Variants in KCNB2 observed in about 807,000 individuals in gnomAD.
KCNB2 encodes the protein delayed rectifier potassium channel protein.
Under a neutral mutation model 61.5 loss-of-function variants are expected in KCNB2, and 15 were observed. That is an observed-to-expected ratio of 0.24 (90% CI 0.16 to 0.38). The LOEUF is 0.38. KCNB2 is among the 10% of genes least tolerant of loss of function. The pLI, the probability that KCNB2 is intolerant of heterozygous loss-of-function variation, is 1.00. For missense variants in KCNB2, 828 were observed against 1,125.2 expected (o/e 0.74, Z 3.78); for synonymous variants, 457 against 446.0 (o/e 1.02, Z -0.31).
chr8:72,737,029 C>CCA (rs1269768273), intron 2 of KCNB2, among the ~76,000 whole-genome samples: 1 of 149,546 alleles, frequency 6.7e-6, no homozygotes, highest in African/African-American at 2.5e-5. Context: ...AATGTAGTTG[C>CCA]TATTTTTTTT....
chr8:72,855,950 A>C (rs1348945138), intron 2 of KCNB2, among the ~76,000 whole-genome samples: 2 of 152,196 alleles, frequency 1.3e-5, no homozygotes. Flanking sequence ...TATAATACCT[A>C]ATACAATGTA....
chr8:72,689,643 A>G (rs1806909743), intron 2 of KCNB2, among the ~76,000 whole-genome samples: 2 of 152,168 alleles, frequency 1.3e-5, no homozygotes, highest in Admixed American at 1.3e-4. Flanking sequence ...CATAAATGGA[A>G]TGGTACTGTA....
intron 2 of KCNB2, among the ~76,000 whole-genome samples, chr8:72,800,344 G>C (rs1386377549): frequency 1.3e-5 from 2 of 152,168 alleles, no homozygotes; most frequent in African/African-American, 2.4e-5. Flanking sequence ...CTGCAGCTCT[G>C]TATTTCAACT....
At chr8:72,872,467 G>A (rs1366373351) in intron 2 of KCNB2, among the ~76,000 whole-genome samples, 1 of 152,188 alleles carries the variant, frequency 6.6e-6, no homozygotes, top group Non-Finnish European at 1.5e-5. Flanking sequence ...TGCATTGCAA[G>A]AGTCCCTGGA....
intron 2 of KCNB2, among the ~76,000 whole-genome samples, chr8:72,844,309 T>G (rs1323729256): frequency 6.6e-6 from 1 of 152,254 alleles, no homozygotes; most frequent in Non-Finnish European, 1.5e-5. Flanking sequence ...AGAGATCCGC[T>G]GTTAGTCTGA....
chr8:72,881,785 C>G (rs6993466), intron 2 of KCNB2: 11,187 of 151,570 alleles, frequency 0.074, 1,365 homozygotes, highest in African/African-American at 0.25. Flanking sequence ...CCAGACAATG[C>G]AGAGGGCGTG....
chr8:72,623,496 A>C (rs1805741781), intron 2 of KCNB2, among the ~76,000 whole-genome samples: 2 of 152,238 alleles, frequency 1.3e-5, no homozygotes, highest in Non-Finnish European at 2.9e-5. Context: ...TTCTGATAGA[A>C]GACTTTGGAA....
chr8:72,589,247 G>A (rs1038481410), intron 2 of KCNB2, among the ~76,000 whole-genome samples: 2 of 151,952 alleles, frequency 1.3e-5, no homozygotes, highest in African/African-American at 4.8e-5. Context: ...GCAAATAAAT[G>A]CATTAATTTA....
intron 2 of KCNB2, among the ~76,000 whole-genome samples, chr8:72,684,971 T>C (rs1203470335): frequency 6.6e-6 from 1 of 152,222 alleles, no homozygotes; most frequent in African/African-American, 2.4e-5. Flanking sequence ...AGATAATTTA[T>C]GTCAAAACAA....
At chr8:72,851,415 T>G (rs542230863) in intron 2 of KCNB2, among the ~76,000 whole-genome samples, 13 of 152,338 alleles carry the variant, frequency 8.5e-5, no homozygotes, top group African/African-American at 2.9e-4. Flanking sequence ...TCATTTTGCA[T>G]TATTCTATAA....
chr8:72,727,817 G>T (rs537879352), intron 2 of KCNB2, among the ~76,000 whole-genome samples: 24 of 152,264 alleles, frequency 1.6e-4, no homozygotes, highest in Admixed American at 3.9e-4. Context: ...ATATAAGAAG[G>T]AAATAGACTT....
At chr8:72,725,700 C>A (rs1232293317) in intron 2 of KCNB2, among the ~76,000 whole-genome samples, 3 of 150,232 alleles carry the variant, frequency 2.0e-5, no homozygotes, top group South Asian at 2.1e-4. Flanking sequence ...GCTTGCCGGA[C>A]CTCCTTTCCA....
At chr8:72,901,256 G>T (rs746243086) in intron 2 of KCNB2, among the ~76,000 whole-genome samples, 3 of 152,110 alleles carry the variant, frequency 2.0e-5, no homozygotes, top group Non-Finnish European at 4.4e-5. Flanking sequence ...TGAGGGGGAG[G>T]TGGCAGACTA....
intron 2 of KCNB2, among the ~76,000 whole-genome samples, chr8:72,586,978 T>C (rs1412366588): frequency 6.6e-6 from 1 of 152,240 alleles, no homozygotes; most frequent in East Asian, 1.9e-4. Flanking sequence ...TGTTGGCCTC[T>C]TTTAATTTTT....
intron 2 of KCNB2, among the ~76,000 whole-genome samples, chr8:72,846,008 G>A (rs1176001197): frequency 6.6e-6 from 1 of 151,862 alleles, no homozygotes; most frequent in East Asian, 1.9e-4. Context: ...AAAAACTCTG[G>A]CAGCTAGCTT....
chr8:72,700,560 G>C (rs1807103222), intron 2 of KCNB2, among the ~76,000 whole-genome samples: 1 of 152,004 alleles, frequency 6.6e-6, no homozygotes. Flanking sequence ...AATGACAAAT[G>C]TTATTGGTCA....
chr8:72,695,052 G>A (rs1443159036), intron 2 of KCNB2, among the ~76,000 whole-genome samples: 4 of 151,986 alleles, frequency 2.6e-5, no homozygotes, highest in African/African-American at 7.2e-5. Context: ...ATCATTATAT[G>A]CCTGTATTCC....
At chr8:72,852,154 G>A (rs957654057) in intron 2 of KCNB2, among the ~76,000 whole-genome samples, 12 of 152,182 alleles carry the variant, frequency 7.9e-5, no homozygotes, top group Non-Finnish European at 1.8e-4. Flanking sequence ...CAGCTACTCA[G>A]AAGGCTGAGG....
intron 2 of KCNB2, among the ~76,000 whole-genome samples, chr8:72,660,191 G>A (rs574808291): frequency 9.2e-5 from 14 of 152,298 alleles, no homozygotes; most frequent in Middle Eastern, 3.4e-3. Context: ...CCTTCAGAAG[G>A]ATGCTTGTTA....
Sources: allele counts gnomAD v4.1 joint callset (sites outside exome capture counted in the v4.1 genomes callset), GRCh38; gene constraint gnomAD v4.1.1; transcripts MANE v1.5; gene names NCBI Gene and HGNC (gene_info 2026-07-23, HGNC 2026-07-21).